Variants in RBM41 observed in about 807,000 individuals in gnomAD.
RBM41 encodes RNA binding motif protein 41, also known as RNA-binding protein 41.
RBM41 carries 14 observed loss-of-function variants against 30.8 expected under a neutral mutation model. That is an observed-to-expected ratio of 0.45 (90% CI 0.30 to 0.71). The LOEUF (loss-of-function observed/expected upper bound fraction) is 0.71. Among genes scored for constraint, RBM41 ranks in the 30% least tolerant of loss-of-function variants. The pLI, the probability that RBM41 is intolerant of heterozygous loss-of-function variation, is 0.08. For synonymous variants in RBM41, 120 were observed against 110.1 expected (o/e 1.09, Z -0.56); for missense variants, 276 against 326.3 (o/e 0.85, Z 1.19).
At position 107,110,384 on chromosome X, in the gene RBM41, C is replaced by T. The variant is rs1924364641; in HGVS notation, c.595+3013G>A. Among the ~76,000 whole-genome samples, 3 of 111,125 alleles carry T rather than the reference C, an allele frequency of 2.7e-5. No homozygotes were observed. In the Admixed American group the frequency reaches 2.9e-4, roughly 11 times the overall value. ...CAAGATTTGAAACAATACTTGAAAA[C>T]ATTTTCTGTGAGGTAAAAGACTTAT... On this transcript the variant is annotated intron_variant, in intron 5 of 7. Coordinates refer to ENST00000685964, the MANE Select transcript of RBM41 (RefSeq NM_001324242.2).
chrX:107,098,449 G>A (rs1164252076), intron 5 of RBM41, among the ~76,000 whole-genome samples: 1 of 110,716 alleles, frequency 9.0e-6, no homozygotes, highest in African/African-American at 3.3e-5. Flanking sequence ...AAAAGACAAA[G>A]GAACAAAAGA....
At chrX:107,101,709 T>C (rs1923479821) in intron 5 of RBM41, among the ~76,000 whole-genome samples, 1 of 112,329 alleles carries the variant, frequency 8.9e-6, no homozygotes, top group African/African-American at 3.2e-5. Flanking sequence ...TAACTTTCTG[T>C]TGTTTTAAGC....
the RBM41 span, among the ~76,000 whole-genome samples, chrX:107,053,714 T>C: frequency 9.0e-6 from 1 of 111,039 alleles, no homozygotes; most frequent in African/African-American, 3.3e-5. Flanking sequence ...CTAGGGGTGC[T>C]ATGTCCCCGG....
the RBM41 span, among the ~76,000 whole-genome samples, chrX:107,052,935 T>G: frequency 8.9e-6 from 1 of 112,168 alleles, no homozygotes; most frequent in Non-Finnish European, 1.9e-5. Flanking sequence ...ATTCTTCTCC[T>G]AAAAATAAAC....
intron 5 of RBM41, among the ~76,000 whole-genome samples, chrX:107,096,728 T>A (rs1923012577): frequency 8.9e-6 from 1 of 111,962 alleles, no homozygotes; most frequent in African/African-American, 3.2e-5. Context: ...AGCCATAAAA[T>A]AATGAATTGA....
Position 107,062,792 on chromosome X carries a change from C to G in RBM41, c.*4735G>C, listed in dbSNP as rs2147852533. 8.9e-6 allele frequency among the ~76,000 whole-genome samples: 1 copy of G among 111,769 alleles called. No homozygotes were observed. Among genetic ancestry groups the G allele is most frequent in the Admixed American group, 9.5e-5 (1 of 10,555 alleles). ...TTCCCAGCTTTTTCTTAAATTTATT[C>G]AGAAATATCTATATACATACATACT... On this transcript the variant is annotated 3_prime_UTR_variant, in exon 8 of 8. Transcript: ENST00000685964.
chrX:107,106,614 T>C (rs1246745081), intron 5 of RBM41, among the ~76,000 whole-genome samples: 9 of 111,323 alleles, frequency 8.1e-5, no homozygotes, highest in African/African-American at 2.6e-4. Context: ...GACTTGGAAC[T>C]AATGCAAATG....
At chrX:107,069,442 G>A (rs1935964996) in intron 6 of RBM41, 40 bp from the exon 7 acceptor site, 1 of 1,149,912 alleles carries the variant, frequency 8.7e-7, no homozygotes, top group Non-Finnish European at 1.2e-6. Context: ...TCATATAAAG[G>A]AGGTAAGGCA....
chrX:107,075,112 TAC>T (rs1354810758), intron 6 of RBM41, among the ~76,000 whole-genome samples: 4 of 111,918 alleles, frequency 3.6e-5, no homozygotes, highest in African/African-American at 1.3e-4. Context: ...CCCATGAAGC[TAC>T]AGTCAACTGA....
intron 5 of RBM41, among the ~76,000 whole-genome samples, chrX:107,097,945 T>C (rs1031592519): frequency 2.3e-4 from 26 of 111,657 alleles, no homozygotes; most frequent in African/African-American, 7.5e-4. Flanking sequence ...CCCCGGGTGA[T>C]GGAAATGTCC....
intron 6 of RBM41, among the ~76,000 whole-genome samples, chrX:107,079,797 C>G (rs1393846230): frequency 8.9e-6 from 1 of 111,834 alleles, no homozygotes; most frequent in Non-Finnish European, 1.9e-5. Context: ...TCTCCATTTC[C>G]CTCAAACCCT....
chrX:107,104,695 C>A (rs940715318), intron 5 of RBM41, among the ~76,000 whole-genome samples: 1 of 110,907 alleles, frequency 9.0e-6, no homozygotes, highest in African/African-American at 3.3e-5. Context: ...TGCTGGATTA[C>A]GTTTATTGAT....
chrX:107,101,035 A>G (rs944052293), intron 5 of RBM41, among the ~76,000 whole-genome samples: 7 of 112,409 alleles, frequency 6.2e-5, no homozygotes, highest in Non-Finnish European at 1.9e-5. Flanking sequence ...TACATACAGT[A>G]TAATTCACTG....
chrX:107,103,925 T>C (rs776492890), intron 5 of RBM41, among the ~76,000 whole-genome samples: 3 of 111,239 alleles, frequency 2.7e-5, no homozygotes, highest in South Asian at 7.6e-4. Flanking sequence ...GTTACACAGA[T>C]GCAGTGTGTC....
At chrX:107,056,709 G>A in the RBM41 span, among the ~76,000 whole-genome samples, 2 of 110,761 alleles carry the variant, frequency 1.8e-5, no homozygotes, top group South Asian at 7.6e-4. Flanking sequence ...TTGTAAGGCT[G>A]ACAGTAATAT....
At chrX:107,096,547 A>G (rs1922981912) in intron 5 of RBM41, among the ~76,000 whole-genome samples, 1 of 112,179 alleles carries the variant, frequency 8.9e-6, no homozygotes, top group Admixed American at 9.5e-5. Flanking sequence ...CTGGACATCC[A>G]TATACAAAAA....
chrX:107,084,529 T>C (rs754050147), intron 6 of RBM41, among the ~76,000 whole-genome samples: 10 of 111,688 alleles, frequency 9.0e-5, no homozygotes, highest in South Asian at 3.8e-4. Context: ...GATTTTTTTT[T>C]CTTCGGTCTT....
chrX:107,087,063 G>A (rs1458697042), intron 6 of RBM41, among the ~76,000 whole-genome samples: 1 of 111,501 alleles, frequency 9.0e-6, no homozygotes, highest in African/African-American at 3.3e-5. Flanking sequence ...GCAAATTCAG[G>A]ATAGTGGTTA....
In RBM41 at chrX:107,107,617, G is replaced by A. The variant is rs375372429; in HGVS notation, c.595+5780C>T. On this transcript the variant is annotated intron_variant, in intron 5 of 7. Coordinates refer to ENST00000685964, the MANE Select transcript of RBM41 (RefSeq NM_001324242.2). Reference sequence around the variant, plus strand: ...CCAGAAGCCATGATGTAGAAATAGAGAAGGCAATTAGTCTGGTTGATTTGA... The same window carrying A: ...CCAGAAGCCATGATGTAGAAATAGAAAAGGCAATTAGTCTGGTTGATTTGA... Among the ~76,000 whole-genome samples the A allele has an allele frequency of 5.4e-5, 6 of 111,490 alleles. No individual in the cohort carries two copies. In the East Asian group the frequency reaches 8.4e-4, roughly 16 times the overall value.
Sources: gnomAD v4.1 joint callset for allele counts (sites outside exome capture counted in the v4.1 genomes callset) on GRCh38, gnomAD v4.1.1 for gene constraint, MANE v1.5 for transcripts, NCBI Gene and HGNC (gene_info 2026-07-23, HGNC 2026-07-21) for gene names.